AMOT: variants seen among roughly 807,000 people sequenced by gnomAD.
AMOT encodes the protein angiomotin.
A neutral mutation model predicts 67.0 loss-of-function variants in AMOT; 11 were observed. That is an observed-to-expected ratio of 0.16 (90% confidence interval 0.10 to 0.27). The LOEUF is 0.27. AMOT is among the 10% of genes least tolerant of loss of function. The probability of loss-of-function intolerance (pLI) is 1.00; values close to 1 mark genes in which losing one functional copy is unlikely to be tolerated. For missense variants in AMOT, 753 were observed against 852.0 expected, an observed-to-expected ratio of 0.88 and a Z score of 1.45; for synonymous variants, 326 against 321.4, an observed-to-expected ratio of 1.01 and a Z score of -0.15.
At chrX:112,829,020 T>C (rs948311982) in intron 2 of AMOT, among the ~76,000 whole-genome samples, 3 of 112,002 alleles carry the variant, frequency 2.7e-5, no homozygotes, top group African/African-American at 9.8e-5. Context: ...GTGAGGTGGA[T>C]TGAACAGCAA....
At chrX:112,833,830 C>T (rs191431783) in intron 1 of AMOT, among the ~76,000 whole-genome samples, 82 of 110,783 alleles carry the variant, frequency 7.4e-4, no homozygotes, top group African/African-American at 2.7e-3. Flanking sequence ...TCAAAACAGG[C>T]AATCTAAATA....
In AMOT at chrX:112,795,248, CTGTG is replaced by C. The variant is rs575390682; in HGVS notation, c.1777-3271_1777-3268del. Among the ~76,000 whole-genome samples the C allele has an allele frequency of 2.1e-3, 217 of 104,173 alleles. 1 individual carries two copies. Among genetic ancestry groups the C allele is most frequent in the African/African-American group, 6.9e-3 (195 of 28,292 alleles). The allele number at this position is 104,173 out of a possible 115,157, so 90.5% of individuals were successfully genotyped here. ...CTTCCCTCTTTCTCTGTCTCTCTCT[CTGTG>C]TGTGTGTGTGTGTGTGTGTGTGTAT... On this transcript the variant is annotated intron_variant, in intron 8 of 13. Transcript: ENST00000371959.
chrX:112,814,306 C>A (rs1310992318), intron 5 of AMOT, among the ~76,000 whole-genome samples: 1 of 110,494 alleles, frequency 9.1e-6, no homozygotes, highest in Non-Finnish European at 1.9e-5. Context: ...GAAAAAAAAT[C>A]ATCTGCTGAT....
intron 5 of AMOT, 45 bp downstream of exon 5, chrX:112,815,313 A>C (rs760449948): frequency 8.7e-7 from 1 of 1,152,313 alleles, no homozygotes; most frequent in Admixed American, 2.8e-5. Flanking sequence ...CAAGTCTCAC[A>C]AATAAAGACT....
chrX:112,797,068 C>T (rs1933845937), intron 8 of AMOT, among the ~76,000 whole-genome samples: 1 of 111,848 alleles, frequency 8.9e-6, no homozygotes, highest in Non-Finnish European at 1.9e-5. Flanking sequence ...CAGTCACAGA[C>T]CTCTAGGTGA....
Position 112,775,585 on chromosome X carries a change from T to C in AMOT, c.*2982A>G, listed in dbSNP as rs1932922168. On this transcript the variant is annotated 3_prime_UTR_variant, in exon 14 of 14. Coordinates refer to ENST00000371959, the MANE Select transcript of AMOT (RefSeq NM_001113490.2). ...CAGATATTTTAGGTTCCTGCTGTCC[T>C]ATTACCTTGAAGCTCAAAAGCAGCA... The C allele has an allele frequency of 8.9e-6, 1 of 112,349 alleles. No individual in the cohort carries two copies. The highest frequency in any genetic ancestry group is 1.9e-5 in the Non-Finnish European group (1 of 53,245). The allele number at this position is 112,349 out of a possible 1,213,427, so 9.3% of individuals were successfully genotyped here.
At chrX:112,797,551 C>T (rs918119753) in intron 8 of AMOT, among the ~76,000 whole-genome samples, 14 of 111,476 alleles carry the variant, frequency 1.3e-4, no homozygotes, top group Non-Finnish European at 1.9e-4. Flanking sequence ...GAGGCTGAGG[C>T]GGGTGGATTA....
chrX:112,797,396 A>G (rs1933859659), intron 8 of AMOT, among the ~76,000 whole-genome samples: 1 of 111,363 alleles, frequency 9.0e-6, no homozygotes, highest in African/African-American at 3.3e-5. Context: ...ATGCACATAC[A>G]CACACAGACA....
At chrX:112,791,225 C>CAA (rs760371080) in intron 9 of AMOT, among the ~76,000 whole-genome samples, 3 of 93,879 alleles carry the variant, frequency 3.2e-5, no homozygotes, top group African/African-American at 7.8e-5. Context: ...ACTAAAAATA[C>CAA]AAAAAAAAAA....
intron 8 of AMOT, among the ~76,000 whole-genome samples, chrX:112,794,804 T>C (rs1273875920): frequency 8.9e-6 from 1 of 111,809 alleles, no homozygotes; most frequent in Non-Finnish European, 1.9e-5. Context: ...TCCAGGTGGT[T>C]TGTTCTTTTT....
intron 7 of AMOT, among the ~76,000 whole-genome samples, chrX:112,807,667 CT>C (rs1345293140): frequency 9.0e-6 from 1 of 111,486 alleles, no homozygotes; most frequent in Non-Finnish European, 1.9e-5. Flanking sequence ...CTTATTTAAC[CT>C]CACAATATTT....
intron 2 of AMOT, among the ~76,000 whole-genome samples, chrX:112,828,292 G>A (rs1438593859): frequency 2.8e-5 from 3 of 106,853 alleles, no homozygotes. Context: ...TTAAATCCTG[G>A]ATGTATGGCT....
chrX:112,837,037 A>G (rs991033169), intron 1 of AMOT, among the ~76,000 whole-genome samples: 4 of 111,712 alleles, frequency 3.6e-5, no homozygotes, highest in Non-Finnish European at 7.5e-5. Flanking sequence ...TTTACTAGAA[A>G]TAACTTTCTG....
In AMOT at chrX:112,815,752, G is replaced by C. The variant is rs765424437; in HGVS notation, c.998C>G (p.Pro333Arg). 6.9e-6 allele frequency: 8 copies of C among 1,167,810 alleles called. No homozygotes were observed. In the South Asian group the frequency reaches 1.3e-4, roughly 19 times the overall value. ...GTTTGGGACCAAGGGGTGTCGGGCA[G>C]GAGACAATCTAGTGGATGGTGGAGA... ...LQSPPSTRLS[P>R]ARHPLVPNQG... Residue 333 changes from proline (P) to arginine (R), a missense_variant, in exon 5 of 14, where the codon CCT becomes CGT. Pro to Arg is a moderately radical substitution (Grantham distance 103). This residue lies in a region of AMOT where 297 missense variants were observed against 284.3 expected (regional missense o/e 1.04). Transcript: ENST00000371959.
chrX:112,825,323 C>T (rs1934817538), intron 2 of AMOT, 103 bp from the exon 3 acceptor site: 1 of 111,790 alleles, frequency 8.9e-6, no homozygotes, highest in African/African-American at 3.3e-5. Context: ...AAGAGAATGA[C>T]TTGTCCTCCT....
Position 112,777,605 on chromosome X carries a change from A to G in AMOT, c.*962T>C, listed in dbSNP as rs1292639934. 2 of 112,350 alleles carry G rather than the reference A, an allele frequency of 1.8e-5. No homozygotes were observed. Among genetic ancestry groups the G allele is most frequent in the Non-Finnish European group, 3.8e-5 (2 of 53,283 alleles). 9.3% of individuals were successfully genotyped at this position (112,350 alleles called of 1,213,427 possible). ...CAACAAAGATCCTTCCTCACTTTGCAAATGATTGGCAATTTGAGACTGGAG... is the reference window on the plus strand; with the variant it reads ...CAACAAAGATCCTTCCTCACTTTGCGAATGATTGGCAATTTGAGACTGGAG... On this transcript the variant is annotated 3_prime_UTR_variant, in exon 14 of 14. Transcript: ENST00000371959.
At chrX:112,799,834 A>G (rs1569396639) in intron 8 of AMOT, among the ~76,000 whole-genome samples, 1 of 112,576 alleles carries the variant, frequency 8.9e-6, no homozygotes, top group East Asian at 2.8e-4. Flanking sequence ...AGCCAAAATC[A>G]TAGGAAAGAC....
Position 112,809,902 on chromosome X carries a change from A to C in AMOT, c.1622T>G (p.Phe541Cys), listed in dbSNP as rs1385767856. 15 of 1,209,073 alleles carry C rather than the reference A, an allele frequency of 1.2e-5. No individual in the cohort carries two copies. Among genetic ancestry groups the C allele is most frequent in the African/African-American group, 1.7e-5 (1 of 57,192 alleles). Residue 541 changes from phenylalanine (F) to cysteine (C), a missense_variant, in exon 7 of 14, where the codon TTT becomes TGT. This residue lies in a region of AMOT where 297 missense variants were observed against 284.3 expected (regional missense o/e 1.04). Transcript: ENST00000371959. Reference sequence around the variant, plus strand: ...GCAGCTTGCAGACTTACTTTTTGCAAAGAGCTGCGAGATGGTTTTTCTGGT... The same window carrying C: ...GCAGCTTGCAGACTTACTTTTTGCACAGAGCTGCGAGATGGTTTTTCTGGT... ...EDTRKTISQLFAKNKESQREK... is the reference protein window; with the variant it reads ...EDTRKTISQLCAKNKESQREK...
chrX:112,816,349 A>G (rs1013588283), intron 4 of AMOT, among the ~76,000 whole-genome samples: 2 of 111,482 alleles, frequency 1.8e-5, no homozygotes, highest in Non-Finnish European at 3.8e-5. Flanking sequence ...ACAAACAGCC[A>G]TAAAAACCAC....
Sources: gnomAD v4.1 joint callset for allele counts (sites outside exome capture counted in the v4.1 genomes callset) on GRCh38, gnomAD v4.1.1 for gene constraint, gnomAD v4.1.1 regional missense constraint, MANE v1.5 for transcripts, NCBI Gene and HGNC (gene_info 2026-07-23, HGNC 2026-07-21) for gene names.